Variants in ABCC6 observed in about 807,000 individuals in gnomAD.
ABCC6 encodes the protein ATP-binding cassette sub-family C member 6.
ABCC6 carries 126 observed loss-of-function variants against 169.5 expected under a neutral mutation model. The ratio of observed to expected loss-of-function variants is 0.74; its 90% CI spans 0.64 to 0.86. The LOEUF (loss-of-function observed/expected upper bound fraction) is 0.86, where lower values mean the gene tolerates loss of function less well. Ranked by LOEUF, ABCC6 falls within the 40% of genes least tolerant of loss-of-function variation. ABCC6 has a pLI of 0.00. For synonymous variants in ABCC6, 752 were observed against 814.7 expected, an observed-to-expected ratio of 0.92 and a Z score of 1.31; for missense variants, 1,733 against 1,927.2, an observed-to-expected ratio of 0.90 and a Z score of 1.89.
Position 16,150,160 on chromosome 16 carries a change from T to A in ABCC6, c.4485A>T (p.Arg1495Ser). ...AGACCAGGCCTGACTCCTGGGCCAG[T>A]CTGTAAAACAGGCCCTTCTGGGCCA... ...QLLAQKGLFY[R>S]LAQESGLV Residue 1495 changes from arginine (R) to serine (S), a missense_variant, in exon 31 of 31, where the codon AGA (arginine) becomes AGT (serine). Arg to Ser is a moderately radical substitution (Grantham distance 110). This residue lies in a region of ABCC6 where 1,601 missense variants were observed against 1,635.5 expected (regional missense o/e 0.98). Coordinates refer to ENST00000205557, the MANE Select transcript of ABCC6 (RefSeq NM_001171.6). 2 of 1,613,070 alleles carry A rather than the reference T, an allele frequency of 1.2e-6. No individual in the cohort carries two copies. The highest frequency in any genetic ancestry group is 1.7e-6 in the Non-Finnish European group (2 of 1,180,018).
chr16:16,181,481 G>A (rs2152256988), intron 17 of ABCC6, among the ~76,000 whole-genome samples: 1 of 152,294 alleles, frequency 6.6e-6, no homozygotes, highest in Middle Eastern at 3.4e-3. Context: ...TGAGGGATGA[G>A]CCCTGGGGAC....
intron 21 of ABCC6, among the ~76,000 whole-genome samples, chr16:16,171,064 C>T (rs1040633194): frequency 1.2e-4 from 19 of 152,066 alleles, no homozygotes; most frequent in Non-Finnish European, 2.1e-4. Context: ...CACCTCGGAG[C>T]CATTGCACCT....
In ABCC6 at chr16:16,171,955, AGTGGTTGG is replaced by A. The variant is rs1402759422; in HGVS notation, c.2787+1321_2787+1328del. ...AATGGGTGGGTGGGATGGATAAATGAGTGGTTGGGTGGGTGGGATGGATAAATAAGTGG... is the reference window on the plus strand; with the variant it reads ...AATGGGTGGGTGGGATGGATAAATGAGTGGGTGGGATGGATAAATAAGTGG... On this transcript the variant is annotated intron_variant, in intron 21 of 30. Coordinates refer to ENST00000205557, the MANE Select transcript of ABCC6 (RefSeq NM_001171.6). Among the ~76,000 whole-genome samples the A allele has an allele frequency of 1.3e-3, 92 of 70,142 alleles. 2 individuals are homozygous for A. The highest frequency in any genetic ancestry group is 0.012 in the Admixed American group (60 of 5,098). The allele number at this position is 70,142 out of a possible 152,430, so 46.0% of individuals were successfully genotyped here.
intron 27 of ABCC6, 62 bp downstream of exon 27, chr16:16,157,601 C>G (rs2046590533): frequency 6.2e-7 from 1 of 1,607,872 alleles, no homozygotes; most frequent in African/African-American, 1.3e-5. Flanking sequence ...GGTTTAGGGC[C>G]TTGTCCCTGG....
Position 16,149,895 on chromosome 16 carries a change from C to G in ABCC6, c.*238G>C. On this transcript the variant is annotated 3_prime_UTR_variant, in exon 31 of 31. Transcript: ENST00000205557. ...GGCTGAGAGTCGCTGTTGACATTGG[C>G]TGCAGGGTGGACAGGGCGAGATGGG... 1 of 618,284 alleles carries G rather than the reference C, an allele frequency of 1.6e-6. No homozygotes were observed. 38.3% of individuals were successfully genotyped at this position (618,284 alleles called of 1,614,324 possible). A position where few individuals can be genotyped will look rare whatever the true frequency, so the allele number is the denominator to read the frequency against.
At chr16:16,178,195 C>T (rs569173284) in intron 18 of ABCC6, among the ~76,000 whole-genome samples, 131 of 151,970 alleles carry the variant, frequency 8.6e-4, no homozygotes, top group African/African-American at 3.0e-3. Flanking sequence ...GGCGTGGTGG[C>T]GGGCACCTGT....
intron 17 of ABCC6, among the ~76,000 whole-genome samples, chr16:16,180,978 A>G (rs548763290): frequency 6.6e-6 from 1 of 152,306 alleles, no homozygotes; most frequent in South Asian, 2.1e-4. Flanking sequence ...CAGACAGCAC[A>G]TCAGGTGGAA....
At position 16,208,808 on chromosome 16, in the gene ABCC6, C is replaced by G; in HGVS notation, c.714G>C (p.Ser238=). 1 of 1,613,368 alleles carries G rather than the reference C, an allele frequency of 6.2e-7. No individual in the cohort carries two copies. Among genetic ancestry groups the G allele is most frequent in the Non-Finnish European group, 8.5e-7 (1 of 1,179,694 alleles). Residue 238 remains serine, a synonymous_variant, in exon 7 of 31, where the codon TCG becomes TCC. Transcript: ENST00000205557. ...CTTCTGAGGAGTTTTCTCTCCCAAG[C>G]GACCAGAGGTCTTTTGGTCTCAGTG... The part of the protein sequence containing the change: ...RRPLRPKDLW[S]LGRENSSEEL...
chr16:16,200,501 C>T (rs1440358736), intron 9 of ABCC6, among the ~76,000 whole-genome samples: 31 of 147,856 alleles, frequency 2.1e-4, no homozygotes, highest in East Asian at 4.0e-4. Flanking sequence ...TCAAAGAAGG[C>T]CTCCTGGCGT....
At chr16:16,201,928 A>C (rs1391374371) in intron 9 of ABCC6, 73 bp downstream of exon 9, 2 of 1,579,344 alleles carry the variant, frequency 1.3e-6, no homozygotes, top group Middle Eastern at 1.7e-4. Context: ...TCAGCTGCTG[A>C]TAACATTACT....
chr16:16,198,583 C>T (rs1297026260), intron 9 of ABCC6, among the ~76,000 whole-genome samples: 1 of 151,974 alleles, frequency 6.6e-6, no homozygotes, highest in Non-Finnish European at 1.5e-5. Context: ...GTGCAGTGGC[C>T]TCTGCCTGTA....
intron 15 of ABCC6, 73 bp from the exon 16 acceptor site, chr16:16,183,003 G>A: frequency 6.2e-7 from 1 of 1,612,064 alleles, no homozygotes; most frequent in South Asian, 1.1e-5. Flanking sequence ...ATGAGCCCCA[G>A]ACGGAGCTGA....
intron 25 of ABCC6, among the ~76,000 whole-genome samples, chr16:16,160,558 C>T (rs1021643655): frequency 7.7e-6 from 1 of 129,732 alleles, no homozygotes; most frequent in Admixed American, 9.7e-5. Context: ...TTTTGGGAGG[C>T]TGGGGCAGGC....
chr16:16,165,512 C>G (rs1401483756), intron 23 of ABCC6, 111 bp downstream of exon 23: 3 of 1,150,004 alleles, frequency 2.6e-6, no homozygotes, highest in Non-Finnish European at 3.8e-6. Context: ...CTAGGAACAG[C>G]CCCTAGATGT....
chr16:16,188,479 G>T (rs2047727152), intron 13 of ABCC6, among the ~76,000 whole-genome samples: 1 of 152,192 alleles, frequency 6.6e-6, no homozygotes, highest in African/African-American at 2.4e-5. Context: ...ATGCTGAAAG[G>T]ACTAGAGATA....
chr16:16,189,982 G>A (rs1161129081), intron 12 of ABCC6, among the ~76,000 whole-genome samples, 182 bp downstream of exon 12: 1 of 152,140 alleles, frequency 6.6e-6, no homozygotes, highest in East Asian at 1.9e-4. Flanking sequence ...ACCTTTGCTA[G>A]AATAATATGA....
chr16:16,174,760 A>ACCCCCCACCCCCC (rs2047217906), intron 20 of ABCC6, among the ~76,000 whole-genome samples: 1 of 94,634 alleles, frequency 1.1e-5, no homozygotes, highest in East Asian at 1.1e-3. Flanking sequence ...CTGTCTCAAA[A>ACCCCCCACCCCCC]CCCCCCCCCG....
chr16:16,160,594 A>G (rs2046682529), intron 25 of ABCC6, among the ~76,000 whole-genome samples: 1 of 137,630 alleles, frequency 7.3e-6, no homozygotes, highest in South Asian at 2.4e-4. Context: ...AGAGTTTGAG[A>G]CCAGGTTGGG....
At position 16,154,985 on chromosome 16, in the gene ABCC6, C is replaced by G. The variant is rs771434033; in HGVS notation, c.3929G>C (p.Ser1310Thr). 1.9e-6 allele frequency: 3 copies of G among 1,571,744 alleles called. No homozygotes were observed. Among genetic ancestry groups the G allele is most frequent in the Admixed American group, 1.9e-5 (1 of 53,826 alleles). The stretch of plus-strand genomic sequence containing the variant: ...TGCCTCCTGGAGCCGCAGCAGCCCA[C>G]TGGCCAGGGAGGACTTCCCTGCCCC... ...RTGAGKSSLA[S>T]GLLRLQEAAE... The change falls in exon 28 of 31, where the codon AGT becomes ACT. Residue 1310 changes from serine (S) to threonine (T), a missense_variant. Transcript: ENST00000205557.
Sources: allele counts gnomAD v4.1 joint callset (sites outside exome capture counted in the v4.1 genomes callset), GRCh38; gene constraint gnomAD v4.1.1; regional missense constraint gnomAD v4.1.1; transcripts MANE v1.5; gene names NCBI Gene and HGNC (gene_info 2026-07-23, HGNC 2026-07-21).